Variants in TSPEAR observed in about 807,000 individuals in gnomAD.
TSPEAR encodes the protein thrombospondin type laminin G domain and EAR repeats.
In TSPEAR, 69 loss-of-function variants were observed where a neutral mutation model predicts 71.6. The ratio of observed to expected loss-of-function variants is 0.96; its 90% CI spans 0.79 to 1.18. The LOEUF is 1.18. Among genes scored for constraint, TSPEAR ranks in the 50% most tolerant of loss-of-function variants. The probability of loss-of-function intolerance (pLI) is 0.00; values close to 1 mark genes in which losing one functional copy is unlikely to be tolerated. For synonymous variants in TSPEAR, 402 were observed against 387.2 expected (o/e 1.04, Z -0.45); for missense variants, 971 against 894.9 (o/e 1.09, Z -1.09).
At chr21:44,704,302 C>T (rs1281575278) in intron 1 of TSPEAR, among the ~76,000 whole-genome samples, 1 of 149,676 alleles carries the variant, frequency 6.7e-6, no homozygotes, top group African/African-American at 2.5e-5. Flanking sequence ...GTGAGAGAAG[C>T]CAGTTTCCCA....
At chr21:44,600,627 T>G (rs1211103) in intron 1 of TSPEAR, 2 of 1,612,042 alleles carry the variant, frequency 1.2e-6, no homozygotes, top group South Asian at 2.2e-5. Context: ...CCAGCATGGC[T>G]GCGTCCACTA....
chr21:44,564,976 GAAA>G (rs1367226972), intron 2 of TSPEAR, among the ~76,000 whole-genome samples: 1 of 151,286 alleles, frequency 6.6e-6, no homozygotes, highest in Non-Finnish European at 1.5e-5. Flanking sequence ...ATCAATAATA[GAAA>G]AAAAACTGGG....
chr21:44,595,017 T>A (rs1196571757), intron 1 of TSPEAR, among the ~76,000 whole-genome samples: 1 of 152,090 alleles, frequency 6.6e-6, no homozygotes, highest in African/African-American at 2.4e-5. Context: ...AGACAGGGTT[T>A]CACCATGTTG....
rs587627166 is a variant in TSPEAR at position 44,554,699 on chromosome 21, G to A, written c.303+13086C>T. Among the ~76,000 whole-genome samples, 64 of 152,368 alleles carry A rather than the reference G, an allele frequency of 4.2e-4. 1 individual carries two copies. Among genetic ancestry groups the A allele is most frequent in the African/African-American group, 1.5e-3 (64 of 41,586 alleles). On this transcript the variant is annotated intron_variant, in intron 2 of 11. Coordinates refer to ENST00000323084, the MANE Select transcript of TSPEAR (RefSeq NM_144991.3). ...AGTGCTTGAAATGTGGCTCATGCCAGTTGTGGAAATGGTAACATTCTGGAT... is the reference window on the plus strand; with the variant it reads ...AGTGCTTGAAATGTGGCTCATGCCAATTGTGGAAATGGTAACATTCTGGAT...
intron 2 of TSPEAR, among the ~76,000 whole-genome samples, chr21:44,543,411 T>C (rs1555917422): frequency 6.6e-6 from 1 of 152,254 alleles, no homozygotes; most frequent in African/African-American, 2.4e-5. Context: ...CATGGATTCA[T>C]GTTATAATCT....
chr21:44,675,736 G>A (rs1986283465), intron 1 of TSPEAR: 1 of 423,146 alleles, frequency 2.4e-6, no homozygotes, highest in Non-Finnish European at 4.3e-6. Context: ...TGCAACAGGT[G>A]TTAACATTTA....
At chr21:44,572,120 G>A (rs233279) in intron 1 of TSPEAR, among the ~76,000 whole-genome samples, 62,117 of 152,172 alleles carry the variant, frequency 0.41, 14,404 homozygotes, top group Non-Finnish European at 0.53. Context: ...CTCCCCCAAC[G>A]CGATGCCCAC....
intron 1 of TSPEAR, among the ~76,000 whole-genome samples, chr21:44,646,017 C>T (rs1326701839): frequency 7.1e-6 from 1 of 141,630 alleles, no homozygotes; most frequent in African/African-American, 2.6e-5. Context: ...CCCAGCTACT[C>T]GGGAGGCTGA....
At chr21:44,646,321 T>C in intron 1 of TSPEAR, 2 of 1,251,498 alleles carry the variant, frequency 1.6e-6, no homozygotes, top group East Asian at 2.5e-5. Context: ...GAAAAGCTTG[T>C]GGAGCCTCCT....
At chr21:44,674,620 G>A (rs1011511022) in intron 1 of TSPEAR, among the ~76,000 whole-genome samples, 1 of 152,130 alleles carries the variant, frequency 6.6e-6, no homozygotes, top group African/African-American at 2.4e-5. Flanking sequence ...AGAAGGCTGA[G>A]GTGGGAAGAT....
chr21:44,516,678 C>T (rs2052582540), intron 9 of TSPEAR: 1 of 152,220 alleles, frequency 6.6e-6, no homozygotes, highest in Non-Finnish European at 1.5e-5. Flanking sequence ...ATGGCACCAC[C>T]CACCCAGGCG....
intron 1 of TSPEAR, chr21:44,681,642 T>C: frequency 2.8e-6 from 2 of 721,298 alleles, no homozygotes; most frequent in Non-Finnish European, 2.2e-6. Flanking sequence ...ACCCCAGACT[T>C]CCCTGGGGGG....
intron 1 of TSPEAR, among the ~76,000 whole-genome samples, chr21:44,588,654 A>G (rs1341321913): frequency 1.5e-5 from 2 of 133,986 alleles, no homozygotes; most frequent in Non-Finnish European, 3.3e-5. Context: ...CGAGTGGATA[A>G]AGAAACTTTT....
chr21:44,616,855 ATTT>A (rs1391509323), intron 1 of TSPEAR, among the ~76,000 whole-genome samples: 1 of 152,110 alleles, frequency 6.6e-6, no homozygotes, highest in Non-Finnish European at 1.5e-5. Flanking sequence ...ACTTGGGTGT[ATTT>A]TTTGTCTGAC....
At chr21:44,597,351 T>G (rs1388171500) in intron 1 of TSPEAR, among the ~76,000 whole-genome samples, 1 of 152,050 alleles carries the variant, frequency 6.6e-6, no homozygotes, top group East Asian at 1.9e-4. Flanking sequence ...ACACTAGCAT[T>G]TTAGTTAGTG....
At chr21:44,550,876 ACTTGCAGCAGACAGG>A (rs67692969) in intron 2 of TSPEAR, 327,221 of 1,611,412 alleles carry the variant, frequency 0.2, 34,607 homozygotes, top group East Asian at 0.4. Context: ...CAGCAGATGG[ACTTGCAGCAGACAGG>A]CTTGCAGCAG....
chr21:44,503,857 G>C (rs587692299), intron 11 of TSPEAR, among the ~76,000 whole-genome samples: 10 of 144,878 alleles, frequency 6.9e-5, no homozygotes, highest in East Asian at 4.1e-4. Flanking sequence ...TGAGCCCTTG[G>C]GGGGAAGCCG....
chr21:44,572,403 C>T lies in TSPEAR; in HGVS notation c.83-4398G>A, dbSNP rs146779975. 9.1e-4 allele frequency among the ~76,000 whole-genome samples: 139 copies of T among 152,162 alleles called. 1 individual carries two copies. Among genetic ancestry groups the T allele is most frequent in the Middle Eastern group, 3.4e-3 (1 of 294 alleles). ...ACCTGCGGTGGTGTCGGGAAGCTGG[C>T]AAAGGGCGATGTGAACCCCGCTTTT... On this transcript the variant is annotated intron_variant, in intron 1 of 11. Coordinates refer to ENST00000323084, the MANE Select transcript of TSPEAR (RefSeq NM_144991.3).
chr21:44,575,257 G>C (rs1555923790), intron 1 of TSPEAR: 1 of 577,038 alleles, frequency 1.7e-6, no homozygotes, highest in African/African-American at 1.9e-5. Context: ...CCTCTCATGA[G>C]GGTCAGTTCA....
Sources: allele counts gnomAD v4.1 joint callset (sites outside exome capture counted in the v4.1 genomes callset), GRCh38; gene constraint gnomAD v4.1.1; transcripts MANE v1.5; gene names NCBI Gene and HGNC (gene_info 2026-07-23, HGNC 2026-07-21).